Variants in IL1RAPL1 observed in about 807,000 individuals in gnomAD.
IL1RAPL1 encodes the protein interleukin 1 receptor accessory protein like 1, also known as interleukin-1 receptor accessory protein-like 1.
A neutral mutation model predicts 48.4 loss-of-function variants in IL1RAPL1; 3 were observed. That is an observed-to-expected ratio of 0.06 (90% CI 0.03 to 0.16). IL1RAPL1 has a LOEUF of 0.16. IL1RAPL1 is among the 10% of genes least tolerant of loss of function. The pLI is 1.00. For missense variants in IL1RAPL1, 349 were observed against 530.6 expected, an observed-to-expected ratio of 0.66 and a Z score of 3.36; for synonymous variants, 185 against 187.7, an observed-to-expected ratio of 0.99 and a Z score of 0.12.
intron 1 of IL1RAPL1, among the ~76,000 whole-genome samples, chrX:28,778,063 G>T (rs921178561): frequency 9.0e-6 from 1 of 111,467 alleles, no homozygotes; most frequent in Non-Finnish European, 1.9e-5. Context: ...ATCTCCCCAA[G>T]TGATCCCAAA....
At chrX:28,602,596 C>A (rs1196083617) in intron 1 of IL1RAPL1, among the ~76,000 whole-genome samples, 5 of 111,941 alleles carry the variant, frequency 4.5e-5, no homozygotes, top group African/African-American at 1.6e-4. Flanking sequence ...TTTCCTGTTT[C>A]CAAAGTGAAA....
rs192347123 is a variant in IL1RAPL1 at position 29,547,332 on chromosome X, G to A, written c.704-121098G>A. On this transcript the variant is annotated intron_variant, in intron 5 of 10. Transcript: ENST00000378993. ...TATTGATATTTGATGTCTAAGGTCC[G>A]TGATGCCCAAAGTCTTACTATGTTT... is the stretch of plus-strand genomic sequence containing the variant. 2.8e-3 allele frequency among the ~76,000 whole-genome samples: 315 copies of A among 111,106 alleles called. 1 individual carries two copies. The highest frequency in any genetic ancestry group is 4.7e-3 in the Middle Eastern group (1 of 214).
intron 3 of IL1RAPL1, among the ~76,000 whole-genome samples, chrX:29,395,058 G>C (rs1381656039): frequency 8.9e-6 from 1 of 111,917 alleles, no homozygotes. Context: ...TGTTGTGCAT[G>C]TGTACAGACA....
chrX:29,458,725 G>GT (rs35108405), intron 5 of IL1RAPL1, among the ~76,000 whole-genome samples: 246 of 100,280 alleles, frequency 2.5e-3, no homozygotes, highest in African/African-American at 6.4e-3. Context: ...GAACGTTTTT[G>GT]TTTTTTTTTT....
At chrX:29,408,369 T>G (rs759101964) in intron 5 of IL1RAPL1, among the ~76,000 whole-genome samples, 47 of 111,626 alleles carry the variant, frequency 4.2e-4, no homozygotes, top group Non-Finnish European at 6.2e-4. Context: ...AAAAGAAAGA[T>G]TTAAAACAAA....
At chrX:29,168,042 C>G (rs1437261372) in intron 2 of IL1RAPL1, among the ~76,000 whole-genome samples, 1 of 110,381 alleles carries the variant, frequency 9.1e-6, no homozygotes, top group Non-Finnish European at 1.9e-5. Context: ...AAGTTTTCTA[C>G]TTTTACATTT....
intron 5 of IL1RAPL1, among the ~76,000 whole-genome samples, chrX:29,451,721 A>G (rs1344032342): frequency 8.9e-6 from 1 of 111,772 alleles, no homozygotes; most frequent in Non-Finnish European, 1.9e-5. Flanking sequence ...GGAATACATA[A>G]ATGTTAAAAA....
chrX:29,685,993 A>G (rs1194108515), intron 6 of IL1RAPL1, among the ~76,000 whole-genome samples: 1 of 111,267 alleles, frequency 9.0e-6, no homozygotes, highest in Non-Finnish European at 1.9e-5. Flanking sequence ...TCAAAAAAAA[A>G]AAAGAAAGAA....
At chrX:29,655,346 T>C (rs1048495778) in intron 5 of IL1RAPL1, among the ~76,000 whole-genome samples, 2 of 111,939 alleles carry the variant, frequency 1.8e-5, no homozygotes, top group African/African-American at 6.5e-5. Context: ...GTAGAAACCA[T>C]GTTGGAAAAC....
At chrX:29,173,226 C>A (rs770741486) in intron 2 of IL1RAPL1, among the ~76,000 whole-genome samples, 4 of 111,088 alleles carry the variant, frequency 3.6e-5, no homozygotes. Flanking sequence ...ATGCCTTGTA[C>A]AAAATCAGTA....
chrX:28,723,713 T>A (rs1381189835), intron 1 of IL1RAPL1, among the ~76,000 whole-genome samples: 1 of 112,114 alleles, frequency 8.9e-6, no homozygotes, highest in Non-Finnish European at 1.9e-5. Flanking sequence ...TCTTTCCTGC[T>A]TTCTCTTGTG....
chrX:29,511,378 C>T (rs149078841), intron 5 of IL1RAPL1, among the ~76,000 whole-genome samples: 1,362 of 111,828 alleles, frequency 0.012, 31 homozygotes, highest in African/African-American at 0.042. Context: ...TATAGTCTGA[C>T]CTTTCTAATC....
chrX:28,860,096 T>C (rs1297401535), intron 2 of IL1RAPL1, among the ~76,000 whole-genome samples: 2 of 111,950 alleles, frequency 1.8e-5, no homozygotes, highest in Admixed American at 1.9e-4. Flanking sequence ...ACTAGCTAGA[T>C]ATTTACATAA....
At chrX:29,122,451 GC>G (rs1174041301) in intron 2 of IL1RAPL1, among the ~76,000 whole-genome samples, 1 of 27,266 alleles carries the variant, frequency 3.7e-5, no homozygotes, top group Non-Finnish European at 6.3e-5. Context: ...ACACACACTC[GC>G]CCCCCCCACC....
At chrX:29,066,820 C>T (rs1389125525) in intron 2 of IL1RAPL1, among the ~76,000 whole-genome samples, 1 of 112,050 alleles carries the variant, frequency 8.9e-6, no homozygotes, top group Non-Finnish European at 1.9e-5. Context: ...GCCTCTGTAA[C>T]ATAGAGCTTC....
chrX:28,774,281 T>C (rs1238275312), intron 1 of IL1RAPL1, among the ~76,000 whole-genome samples: 6 of 111,805 alleles, frequency 5.4e-5, no homozygotes, highest in Non-Finnish European at 9.4e-5. Flanking sequence ...GTATTAGTTA[T>C]CTATTGCTGC....
At chrX:29,380,402 T>C (rs1933681502) in intron 3 of IL1RAPL1, among the ~76,000 whole-genome samples, 1 of 111,787 alleles carries the variant, frequency 8.9e-6, no homozygotes, top group East Asian at 2.8e-4. Context: ...TAATTTTGTA[T>C]TTTTAATAGA....
At chrX:29,487,539 C>T (rs970034307) in intron 5 of IL1RAPL1, among the ~76,000 whole-genome samples, 1 of 111,970 alleles carries the variant, frequency 8.9e-6, no homozygotes, top group Admixed American at 9.5e-5. Flanking sequence ...CACAGAAATG[C>T]ACTGGTCAAT....
intron 5 of IL1RAPL1, among the ~76,000 whole-genome samples, chrX:29,647,081 G>A (rs778937867): frequency 6.2e-5 from 7 of 112,537 alleles, no homozygotes; most frequent in South Asian, 7.2e-4. Flanking sequence ...CGAGCGTGGT[G>A]GCTCACACCT....
Sources: allele counts gnomAD v4.1 joint callset (sites outside exome capture counted in the v4.1 genomes callset), GRCh38; gene constraint gnomAD v4.1.1; transcripts MANE v1.5; gene names NCBI Gene and HGNC (gene_info 2026-07-23, HGNC 2026-07-21).